The following NPAS3 variants were observed in gnomAD, a reference collection of about 807,000 sequenced individuals.
NPAS3 encodes the protein neuronal PAS domain protein 3.
NPAS3 carries 14 observed loss-of-function variants against 73.1 expected under a neutral mutation model. The observed-to-expected ratio is 0.19, with a 90% CI of 0.13 to 0.30. The LOEUF (loss-of-function observed/expected upper bound fraction) is 0.30, where lower values mean the gene tolerates loss of function less well. Among genes scored for constraint, NPAS3 ranks in the 10% least tolerant of loss-of-function variants. NPAS3 has a pLI of 1.00. For missense variants in NPAS3, 1,096 were observed against 1,250.0 expected, an observed-to-expected ratio of 0.88 and a Z score of 1.86; for synonymous variants, 620 against 541.5, an observed-to-expected ratio of 1.14 and a Z score of -2.01.
At chr14:33,001,637 G>A (rs1432362235) in intron 1 of NPAS3, among the ~76,000 whole-genome samples, 1 of 152,080 alleles carries the variant, frequency 6.6e-6, no homozygotes, top group African/African-American at 2.4e-5. Context: ...ATGGTTAGCA[G>A]TGTTCCTTCA....
At chr14:33,302,695 C>T (rs1254740219) in intron 3 of NPAS3, among the ~76,000 whole-genome samples, 4 of 152,202 alleles carry the variant, frequency 2.6e-5, no homozygotes, top group Non-Finnish European at 5.9e-5. Flanking sequence ...GTCTACGTTA[C>T]GCTACATAAC....
chr14:33,352,551 C>T (rs1422869199), intron 3 of NPAS3, among the ~76,000 whole-genome samples: 1 of 152,204 alleles, frequency 6.6e-6, no homozygotes, highest in Non-Finnish European at 1.5e-5. Flanking sequence ...TCAGATGTCT[C>T]ATCCAAGTTC....
intron 4 of NPAS3, among the ~76,000 whole-genome samples, chr14:33,470,455 C>T (rs1311685383): frequency 2.0e-5 from 3 of 152,100 alleles, no homozygotes; most frequent in Non-Finnish European, 2.9e-5. Context: ...CCGTATTGAA[C>T]CATAGGCTTA....
chr14:32,956,760 A>G (rs1231207559), intron 1 of NPAS3, among the ~76,000 whole-genome samples: 2 of 152,216 alleles, frequency 1.3e-5, no homozygotes, highest in African/African-American at 4.8e-5. Context: ...TGCACAGGTA[A>G]GGAAACACAT....
At chr14:32,976,744 A>G (rs1183902640) in intron 1 of NPAS3, among the ~76,000 whole-genome samples, 1 of 152,218 alleles carries the variant, frequency 6.6e-6, no homozygotes, top group Admixed American at 6.5e-5. Context: ...AGAGTTTGCA[A>G]TTAAAGGCAA....
chr14:33,406,169 A>G (rs1317145991), intron 4 of NPAS3, among the ~76,000 whole-genome samples: 2 of 152,168 alleles, frequency 1.3e-5, no homozygotes, highest in African/African-American at 4.8e-5. Context: ...GAACATAACA[A>G]CTATAGCATA....
intron 4 of NPAS3, among the ~76,000 whole-genome samples, chr14:33,463,112 G>T (rs1401350877): frequency 6.6e-6 from 1 of 152,174 alleles, no homozygotes; most frequent in Non-Finnish European, 1.5e-5. Flanking sequence ...AAAGTGGAAG[G>T]AGTAGTACCT....
At chr14:33,195,431 C>T (rs1347792917) in intron 2 of NPAS3, among the ~76,000 whole-genome samples, 3 of 152,018 alleles carry the variant, frequency 2.0e-5, no homozygotes, top group South Asian at 2.1e-4. Flanking sequence ...CCACCACGCC[C>T]GGCCAATTTT....
At chr14:33,145,559 A>G (rs1439934380) in intron 2 of NPAS3, among the ~76,000 whole-genome samples, 1 of 151,786 alleles carries the variant, frequency 6.6e-6, no homozygotes, top group African/African-American at 2.4e-5. Context: ...TCTACTTTCT[A>G]TTCTTCCTAA....
chr14:33,060,608 C>T (rs2041062002), intron 2 of NPAS3, among the ~76,000 whole-genome samples: 1 of 152,212 alleles, frequency 6.6e-6, no homozygotes, highest in Non-Finnish European at 1.5e-5. Flanking sequence ...TTTGGAACCC[C>T]ATCCTTTTCC....
At chr14:33,619,260 C>G (rs1456790100) in intron 5 of NPAS3, among the ~76,000 whole-genome samples, 1 of 151,990 alleles carries the variant, frequency 6.6e-6, no homozygotes, top group Admixed American at 6.6e-5. Context: ...ATTTAAATTT[C>G]CTATGAAATT....
At chr14:33,292,724 G>A (rs11156785) in intron 3 of NPAS3, among the ~76,000 whole-genome samples, 40,125 of 151,934 alleles carry the variant, frequency 0.26, 5,955 homozygotes, top group African/African-American at 0.4. Context: ...GGGGGAGTCC[G>A]CATTCAACTC....
chr14:33,189,159 A>T, intron 2 of NPAS3, among the ~76,000 whole-genome samples: 1 of 152,196 alleles, frequency 6.6e-6, no homozygotes, highest in South Asian at 2.1e-4. Flanking sequence ...CATAGGCCTA[A>T]ACAATTTACC....
At chr14:33,435,476 T>G (rs1482620655) in intron 4 of NPAS3, among the ~76,000 whole-genome samples, 1 of 152,202 alleles carries the variant, frequency 6.6e-6, no homozygotes, top group Non-Finnish European at 1.5e-5. Context: ...GATATTTCTC[T>G]TTCAGATAAT....
At chr14:33,319,944 A>C (rs2043366834) in intron 3 of NPAS3, among the ~76,000 whole-genome samples, 1 of 152,208 alleles carries the variant, frequency 6.6e-6, no homozygotes, top group Admixed American at 6.5e-5. Flanking sequence ...CTCTGACTGA[A>C]TGAATCAAAG....
intron 1 of NPAS3, among the ~76,000 whole-genome samples, chr14:32,997,436 G>A (rs530931386): frequency 7.9e-5 from 12 of 152,180 alleles, no homozygotes; most frequent in East Asian, 1.9e-4. Flanking sequence ...ATATGGTTTC[G>A]TCCTGTGTCC....
Position 33,735,102 on chromosome 14 carries a change from G to A in NPAS3, c.734-112G>A, listed in dbSNP as rs540360592. On this transcript the variant is annotated intron_variant, in intron 6 of 11. Transcript: ENST00000356141. Reference sequence around the variant, plus strand: ...GGTAAATTGATTACTACTGCTCTTAGCACCCATCAGTCATTTATTTTTAGT... The same window carrying A: ...GGTAAATTGATTACTACTGCTCTTAACACCCATCAGTCATTTATTTTTAGT... The A allele has an allele frequency of 6.7e-5, 50 of 750,516 alleles. No homozygotes were observed. The Admixed American group carries it at 6.8e-4, about 10-fold the overall frequency. 46.5% of individuals were successfully genotyped at this position (750,516 alleles called of 1,614,324 possible).
chr14:33,347,400 A>G (rs2044791920), intron 3 of NPAS3, among the ~76,000 whole-genome samples: 1 of 152,162 alleles, frequency 6.6e-6, no homozygotes, highest in South Asian at 2.1e-4. Context: ...TAAAATGTGG[A>G]CACACACACA....
At chr14:33,585,478 C>T (rs2056829865) in intron 5 of NPAS3, among the ~76,000 whole-genome samples, 1 of 152,124 alleles carries the variant, frequency 6.6e-6, no homozygotes, top group South Asian at 2.1e-4. Context: ...TTTCCTCTCC[C>T]AAGTGGGGCA....
Sources: allele counts gnomAD v4.1 joint callset (sites outside exome capture counted in the v4.1 genomes callset), GRCh38; gene constraint gnomAD v4.1.1; transcripts MANE v1.5; gene names NCBI Gene and HGNC (gene_info 2026-07-23, HGNC 2026-07-21).